The following GPM6A variants were observed in gnomAD, a reference collection of about 807,000 sequenced individuals.
The protein encoded by GPM6A is glycoprotein M6A, also known as neuronal membrane glycoprotein M6-a.
GPM6A carries 7 observed loss-of-function variants against 32.1 expected under a neutral mutation model. That is an observed-to-expected ratio of 0.22 (90% CI 0.12 to 0.41). The LOEUF (loss-of-function observed/expected upper bound fraction) is 0.41, where lower values mean the gene tolerates loss of function less well. Ranked by LOEUF, GPM6A falls within the 10% of genes least tolerant of loss-of-function variation. The probability of loss-of-function intolerance (pLI) is 1.00; values close to 1 mark genes in which losing one functional copy is unlikely to be tolerated. For missense variants in GPM6A, 235 were observed against 347.2 expected (o/e 0.68, Z 2.57); for synonymous variants, 130 against 123.4 (o/e 1.05, Z -0.35).
intron 1 of GPM6A, among the ~76,000 whole-genome samples, chr4:175,844,147 A>G (rs1256015773): frequency 3.9e-5 from 6 of 152,180 alleles, no homozygotes; most frequent in Non-Finnish European, 7.3e-5. Flanking sequence ...TCTCTTCACT[A>G]TGGCAATAGT....
At chr4:175,790,859 A>G (rs932702564) in intron 1 of GPM6A, among the ~76,000 whole-genome samples, 4 of 152,234 alleles carry the variant, frequency 2.6e-5, no homozygotes, top group African/African-American at 4.8e-5. Flanking sequence ...GAGAGCATAA[A>G]TGTTAGCACT....
chr4:175,945,876 T>G (rs148169554), intron 1 of GPM6A, among the ~76,000 whole-genome samples: 1 of 147,448 alleles, frequency 6.8e-6, no homozygotes, highest in African/African-American at 2.5e-5. Flanking sequence ...TACAACTCAG[T>G]AATACGGGTG....
chr4:175,838,811 A>G (rs968538387), intron 1 of GPM6A, among the ~76,000 whole-genome samples: 2 of 151,176 alleles, frequency 1.3e-5, no homozygotes, highest in Non-Finnish European at 2.9e-5. Flanking sequence ...ACAACACCAC[A>G]CCCGGCTAAT....
chr4:175,690,047 C>A (rs1163995023), intron 2 of GPM6A, among the ~76,000 whole-genome samples: 1 of 152,152 alleles, frequency 6.6e-6, no homozygotes, highest in Admixed American at 6.5e-5. Context: ...GCTTTGTGCT[C>A]ACCTGGAGTA....
In GPM6A at chr4:175,637,245, T is replaced by A. The variant is rs1174579198; in HGVS notation, c.685-2188A>T. Among the ~76,000 whole-genome samples, 141 of 39,522 alleles carry A rather than the reference T, an allele frequency of 3.6e-3. 2 individuals are homozygous for A. Among genetic ancestry groups the A allele is most frequent in the African/African-American group, 9.6e-3 (105 of 10,950 alleles). 25.9% of individuals were successfully genotyped at this position (39,522 alleles called of 152,430 possible). A position where few individuals can be genotyped will look rare whatever the true frequency, so the allele number is the denominator to read the frequency against. On this transcript the variant is annotated intron_variant, in intron 6 of 6. Coordinates refer to ENST00000393658, the MANE Select transcript of GPM6A (RefSeq NM_201591.3). ...ATAATATAAAATATATATTATATATTATATATAATATAAAATATATATTAT... is the reference window on the plus strand; with the variant it reads ...ATAATATAAAATATATATTATATATAATATATAATATAAAATATATATTAT...
intron 4 of GPM6A, among the ~76,000 whole-genome samples, chr4:175,646,743 C>G (rs2110903810): frequency 6.6e-6 from 1 of 152,312 alleles, no homozygotes; most frequent in South Asian, 2.1e-4. Flanking sequence ...CTGAGTTCCT[C>G]CCTCAGGAAA....
intron 1 of GPM6A, among the ~76,000 whole-genome samples, chr4:175,825,870 C>T (rs1735417547): frequency 6.6e-6 from 1 of 152,002 alleles, no homozygotes; most frequent in African/African-American, 2.4e-5. Flanking sequence ...AAGAGATTCG[C>T]AAACTTTTAG....
intron 4 of GPM6A, among the ~76,000 whole-genome samples, chr4:175,649,635 T>C (rs909844165): frequency 1.3e-5 from 2 of 152,232 alleles, no homozygotes; most frequent in East Asian, 1.9e-4. Flanking sequence ...GTATAAACCA[T>C]CACATACAAG....
At position 175,673,827 on chromosome 4, in the gene GPM6A, G is replaced by T; in HGVS notation, c.240C>A (p.Ile80=). The change falls in exon 3 of 7, where the codon ATC becomes ATA. Residue 80 remains isoleucine (I), a synonymous_variant. Transcript: ENST00000393658. ...DTLDVFTMID[I]FKYVIYGIAA... ...CGATGCCGTAGATCACATACTTAAA[G>T]ATGTCAATCCTGAGAGAAAAGACAA... 6.3e-7 allele frequency: 1 copy of T among 1,597,064 alleles called. No homozygotes were observed. The highest frequency in any genetic ancestry group is 8.6e-7 in the Non-Finnish European group (1 of 1,167,628).
intron 1 of GPM6A, among the ~76,000 whole-genome samples, chr4:175,894,493 A>G (rs1354224852): frequency 1.3e-5 from 2 of 152,102 alleles, no homozygotes; most frequent in Non-Finnish European, 2.9e-5. Flanking sequence ...TCTGCCCACA[A>G]TTGCTTTTCA....
intron 6 of GPM6A, among the ~76,000 whole-genome samples, chr4:175,636,279 TATATATATATATATATATAC>T (rs1283405221): frequency 4.0e-5 from 5 of 126,250 alleles, no homozygotes; most frequent in East Asian, 2.5e-4. Flanking sequence ...TATATATATA[TATATATATATATATATATAC>T]ATATATATAT....
chr4:175,882,995 C>G (rs528392582), intron 1 of GPM6A, among the ~76,000 whole-genome samples: 10 of 152,118 alleles, frequency 6.6e-5, no homozygotes, highest in Admixed American at 4.6e-4. Context: ...AATTGAATGG[C>G]ATCATCAAAA....
intron 1 of GPM6A, among the ~76,000 whole-genome samples, chr4:175,968,161 T>C (rs1386881006): frequency 7.0e-6 from 1 of 142,738 alleles, no homozygotes. Flanking sequence ...CAAAAGCAAC[T>C]CAATGAAAAA....
rs971939239 is a variant in GPM6A at position 176,001,608 on chromosome 4, T to G, written c.-23+701A>C. Among the ~76,000 whole-genome samples the G allele has an allele frequency of 3.3e-5, 5 of 152,150 alleles. No homozygotes were observed. In the East Asian group the frequency reaches 7.7e-4, roughly 24 times the overall value. On this transcript the variant is annotated intron_variant, in intron 1 of 7. Transcript: ENST00000280187. ...CCCTGCCTGGAAACTTGAGCGAAGC[T>G]GAACTGCGCCGAACTCCACCGTCCA... is the stretch of plus-strand genomic sequence containing the variant.
chr4:175,773,041 G>A (rs540415401), intron 1 of GPM6A, among the ~76,000 whole-genome samples: 3 of 152,154 alleles, frequency 2.0e-5, no homozygotes, highest in Admixed American at 6.5e-5. Flanking sequence ...TTCAATTTGT[G>A]TAATCTTCAT....
At chr4:175,662,352 C>T (rs779514437) in intron 3 of GPM6A, among the ~76,000 whole-genome samples, 3 of 152,168 alleles carry the variant, frequency 2.0e-5, no homozygotes, top group Non-Finnish European at 2.9e-5. Context: ...GTAATCCCGG[C>T]ACTTTCAGAG....
At chr4:175,785,652 C>T (rs916810728) in intron 1 of GPM6A, among the ~76,000 whole-genome samples, 2 of 152,160 alleles carry the variant, frequency 1.3e-5, no homozygotes, top group African/African-American at 4.8e-5. Context: ...TGCATTCATA[C>T]TACTCATATG....
chr4:175,854,944 A>C (rs1736371114), intron 1 of GPM6A, among the ~76,000 whole-genome samples: 1 of 152,226 alleles, frequency 6.6e-6, no homozygotes, highest in Admixed American at 6.5e-5. Flanking sequence ...GTAAGGGTAG[A>C]ACATCTCATA....
intron 1 of GPM6A, among the ~76,000 whole-genome samples, chr4:175,730,131 CCTTCTGG>C: frequency 6.6e-6 from 1 of 152,038 alleles, no homozygotes; most frequent in Admixed American, 6.6e-5. Context: ...CTCTGCATGC[CCTTCTGG>C]CAGCTTAAGT....
Sources: allele counts gnomAD v4.1 joint callset (sites outside exome capture counted in the v4.1 genomes callset), GRCh38; gene constraint gnomAD v4.1.1; transcripts MANE v1.5; gene names NCBI Gene and HGNC (gene_info 2026-07-23, HGNC 2026-07-21).